TG: variants seen among roughly 807,000 people sequenced by gnomAD.
TG encodes thyroid hormones.
A neutral mutation model predicts 324.7 loss-of-function variants in TG; 270 were observed. The ratio of observed to expected loss-of-function variants is 0.83; its 90% CI spans 0.75 to 0.92. The LOEUF (loss-of-function observed/expected upper bound fraction) is 0.92, where lower values mean the gene tolerates loss of function less well. Ranked by LOEUF, TG falls within the 40% of genes least tolerant of loss-of-function variation. The pLI is 0.00. For missense variants in TG, 3,591 were observed against 3,456.4 expected, an observed-to-expected ratio of 1.04 and a Z score of -0.98; for synonymous variants, 1,401 against 1,327.0, an observed-to-expected ratio of 1.06 and a Z score of -1.21.
intron 45 of TG, among the ~76,000 whole-genome samples, chr8:133,116,959 T>C (rs1024842773): frequency 3.3e-5 from 5 of 152,208 alleles, no homozygotes; most frequent in African/African-American, 1.2e-4. Context: ...TAGTTATTAA[T>C]TGATTAATTT....
intron 41 of TG, among the ~76,000 whole-genome samples, chr8:133,088,584 GC>G (rs1846986557): frequency 6.6e-6 from 1 of 152,118 alleles, no homozygotes; most frequent in South Asian, 2.1e-4. Flanking sequence ...AAATGATGTG[GC>G]CCTTAGAAGG....
At chr8:132,970,906 G>A (rs1240170204) in intron 32 of TG, among the ~76,000 whole-genome samples, 1 of 152,152 alleles carries the variant, frequency 6.6e-6, no homozygotes, top group African/African-American at 2.4e-5. Flanking sequence ...CAGGCATCAG[G>A]GCACAGATGC....
intron 41 of TG, chr8:133,075,255 G>A: frequency 2.4e-6 from 1 of 414,708 alleles, no homozygotes; most frequent in Non-Finnish European, 3.2e-6. Context: ...AATCAATGGG[G>A]CTGTGAATTT....
intron 41 of TG, among the ~76,000 whole-genome samples, chr8:133,051,294 G>C (rs1316622431): frequency 1.3e-5 from 2 of 152,152 alleles, no homozygotes; most frequent in African/African-American, 4.8e-5. Context: ...GTCCTTAGGA[G>C]AGGAGATGAG....
chr8:132,932,162 T>A (rs1822820250), intron 23 of TG, among the ~76,000 whole-genome samples: 1 of 152,048 alleles, frequency 6.6e-6, no homozygotes, highest in Non-Finnish European at 1.5e-5. Flanking sequence ...AGTTTCTGGG[T>A]AAAATGACAT....
At chr8:133,047,064 A>T (rs889584933) in intron 41 of TG, 4 of 152,200 alleles carry the variant, frequency 2.6e-5, no homozygotes, top group African/African-American at 9.7e-5. Context: ...GGGGATAAAC[A>T]TGGTACTCTC....
intron 23 of TG, among the ~76,000 whole-genome samples, chr8:132,933,050 T>A (rs543705109): frequency 2.0e-5 from 3 of 152,208 alleles, no homozygotes; most frequent in Non-Finnish European, 4.4e-5. Context: ...GGAGCTGTGC[T>A]TCAGTTCCTT....
At chr8:133,116,460 G>A (rs1217732285) in intron 44 of TG, 149 bp from the exon 45 acceptor site, 1 of 700,972 alleles carries the variant, frequency 1.4e-6, no homozygotes, top group African/African-American at 1.8e-5. Context: ...GGAGAGCATT[G>A]CTGGGGAATG....
chr8:133,020,224 C>T (rs1386487132), intron 39 of TG, among the ~76,000 whole-genome samples: 2 of 152,208 alleles, frequency 1.3e-5, no homozygotes, highest in African/African-American at 4.8e-5. Flanking sequence ...GGGCATTTCC[C>T]AGTAACAGAG....
At chr8:132,945,239 T>C (rs1825074531) in intron 26 of TG, among the ~76,000 whole-genome samples, 2 of 152,106 alleles carry the variant, frequency 1.3e-5, no homozygotes, top group African/African-American at 2.4e-5. Flanking sequence ...GAAGGTATGG[T>C]ATCCTGGGCT....
chr8:132,973,164 G>A (rs577266689), intron 34 of TG, among the ~76,000 whole-genome samples: 1 of 152,310 alleles, frequency 6.6e-6, no homozygotes, highest in Non-Finnish European at 1.5e-5. Flanking sequence ...CTAACAAGAT[G>A]GTATGCACTA....
At chr8:132,954,467 G>A (rs1826563025) in intron 27 of TG, among the ~76,000 whole-genome samples, 1 of 152,170 alleles carries the variant, frequency 6.6e-6, no homozygotes, top group Non-Finnish European at 1.5e-5. Context: ...AATAAAGGGT[G>A]GACTCTGAGG....
Position 132,868,162 on chromosome 8 carries a change from G to A in TG, c.115G>A (p.Glu39Lys), listed in dbSNP as rs771157696. 4.3e-6 allele frequency: 7 copies of A among 1,614,176 alleles called. No homozygotes were observed. Among genetic ancestry groups the A allele is most frequent in the Non-Finnish European group, 5.1e-6 (6 of 1,180,046 alleles). The change falls in exon 2 of 48, where the codon GAA (glutamate) becomes AAA (lysine). Residue 39 changes from glutamate to lysine, a missense_variant. By Grantham distance (56) the Glu-to-Lys change is moderately conservative. Transcript: ENST00000220616. ...QPLRPCELQR[E>K]TAFLKQADYV... is the part of the protein sequence containing the mutation. The stretch of plus-strand genomic sequence containing the variant: ...CCTTCGTCCCTGTGAGCTGCAGAGG[G>A]AAACGGCCTTTCTGAAGCAAGCAGA...
At chr8:132,971,136 G>C (rs1450241953) in intron 32 of TG, among the ~76,000 whole-genome samples, 1 of 152,168 alleles carries the variant, frequency 6.6e-6, no homozygotes, top group Non-Finnish European at 1.5e-5. Flanking sequence ...TTGGTTTGGA[G>C]CCATTAAGTC....
chr8:132,922,665 T>C (rs1821274714), intron 21 of TG, among the ~76,000 whole-genome samples: 1 of 152,212 alleles, frequency 6.6e-6, no homozygotes, highest in Admixed American at 6.5e-5. Context: ...CTCACAGTTC[T>C]GGAGACTGGG....
intron 45 of TG, among the ~76,000 whole-genome samples, chr8:133,123,454 C>T (rs1280261324): frequency 6.6e-6 from 1 of 151,108 alleles, no homozygotes. Flanking sequence ...CTAATGCCTC[C>T]TGTGTTCTCT....
chr8:133,102,082 A>T (rs1849326473), intron 43 of TG, among the ~76,000 whole-genome samples: 1 of 152,252 alleles, frequency 6.6e-6, no homozygotes, highest in Admixed American at 6.5e-5. Context: ...TGGCTTCAAT[A>T]AATGTTCGTT....
chr8:133,102,592 C>T lies in TG; in HGVS notation c.7572+6219C>T, dbSNP rs369832604. 9 of 1,550,808 alleles carry T rather than the reference C, an allele frequency of 5.8e-6. No homozygotes were observed. The East Asian group carries it at 1.2e-4, about 21-fold the overall frequency. On this transcript the variant is annotated intron_variant, in intron 43 of 47. Coordinates refer to ENST00000220616, the MANE Select transcript of TG (RefSeq NM_003235.5). ...GGCTGCCTGAGATGTTCTCCATTCGCAGCAAATGATCTTATTTTCTGAAGT... is the reference window on the plus strand; with the variant it reads ...GGCTGCCTGAGATGTTCTCCATTCGTAGCAAATGATCTTATTTTCTGAAGT...
intron 16 of TG, among the ~76,000 whole-genome samples, chr8:132,905,466 C>T (rs1385446571): frequency 6.6e-6 from 1 of 152,146 alleles, no homozygotes; most frequent in African/African-American, 2.4e-5. Flanking sequence ...CCCTGAATAC[C>T]CTCATATTCC....
Sources: allele counts gnomAD v4.1 joint callset (sites outside exome capture counted in the v4.1 genomes callset), GRCh38; gene constraint gnomAD v4.1.1; transcripts MANE v1.5; gene names NCBI Gene and HGNC (gene_info 2026-07-23, HGNC 2026-07-21).